The following HHAT variants were observed in gnomAD, a reference collection of about 807,000 sequenced individuals.
HHAT encodes hedgehog acyltransferase, also known as protein-cysteine N-palmitoyltransferase HHAT.
A neutral mutation model predicts 70.8 loss-of-function variants in HHAT; 47 were observed. The ratio of observed to expected loss-of-function variants is 0.66; its 90% CI spans 0.53 to 0.85. The LOEUF is 0.85. Ranked by LOEUF, HHAT falls within the 40% of genes least tolerant of loss-of-function variation. HHAT has a pLI of 0.00. For missense variants in HHAT, 609 were observed against 604.8 expected (o/e 1.01, Z -0.07); for synonymous variants, 228 against 247.6 (o/e 0.92, Z 0.74).
chr1:210,644,140 G>A (rs953008231), intron 11 of HHAT, among the ~76,000 whole-genome samples: 1 of 152,198 alleles, frequency 6.6e-6, no homozygotes, highest in African/African-American at 2.4e-5. Flanking sequence ...AAAAGACACT[G>A]AGGTCTAGAG....
At chr1:210,672,708 T>C (rs1680336968) in intron 11 of HHAT, among the ~76,000 whole-genome samples, 2 of 152,122 alleles carry the variant, frequency 1.3e-5, no homozygotes, top group Non-Finnish European at 2.9e-5. Context: ...GACATGAAGA[T>C]TGTTAAGTAA....
chr1:210,523,387 C>A (rs961715438), intron 9 of HHAT, among the ~76,000 whole-genome samples: 1 of 152,198 alleles, frequency 6.6e-6, no homozygotes, highest in African/African-American at 2.4e-5. Flanking sequence ...ATGCTGCCTT[C>A]TCTGTGCAGC....
intron 11 of HHAT, among the ~76,000 whole-genome samples, chr1:210,672,862 CTG>C (rs1680368065): frequency 6.6e-6 from 1 of 152,214 alleles, no homozygotes; most frequent in Non-Finnish European, 1.5e-5. Context: ...GCTCCCCCTT[CTG>C]TGTGCTTACA....
rs116710835 is a variant in HHAT at position 210,370,610 on chromosome 1, A to T, written c.159+7691A>T. Among the ~76,000 whole-genome samples the T allele has an allele frequency of 7.7e-3, 756 of 98,330 alleles. 14 individuals carry two copies. Among genetic ancestry groups the T allele is most frequent in the African/African-American group, 0.029 (702 of 24,248 alleles). The allele number at this position is 98,330 out of a possible 152,430, so 64.5% of individuals were successfully genotyped here. A position where few individuals can be genotyped will look rare whatever the true frequency, so the allele number is the denominator to read the frequency against. ...TTTATCCATTCACATTGCAGATGCT[A>T]TTTTTTTTTTTTTTTTTTTTTGGAG... On this transcript the variant is annotated intron_variant, in intron 3 of 11. Transcript: ENST00000261458.
intron 8 of HHAT, among the ~76,000 whole-genome samples, chr1:210,480,006 C>A (rs2094368205): frequency 6.6e-6 from 1 of 152,094 alleles, no homozygotes; most frequent in Admixed American, 6.5e-5. Flanking sequence ...ATGATGCCTA[C>A]CTGCTGGGGT....
At chr1:210,522,892 T>C (rs1282991417) in intron 9 of HHAT, among the ~76,000 whole-genome samples, 3 of 152,150 alleles carry the variant, frequency 2.0e-5, no homozygotes, top group Non-Finnish European at 4.4e-5. Context: ...TACTTATCTG[T>C]AAATTGGAAA....
chr1:210,345,096 A>G (rs886762298), intron 1 of HHAT, among the ~76,000 whole-genome samples: 3 of 152,120 alleles, frequency 2.0e-5, no homozygotes, highest in Admixed American at 2.0e-4. Flanking sequence ...CCATACCTCT[A>G]TCTTGCTAAT....
intron 3 of HHAT, among the ~76,000 whole-genome samples, chr1:210,380,717 A>G (rs1157054407): frequency 2.6e-5 from 4 of 152,058 alleles, no homozygotes; most frequent in African/African-American, 4.8e-5. Flanking sequence ...GACCTGAAAG[A>G]TATGTCCTCA....
chr1:210,650,827 G>A (rs1674986004), intron 11 of HHAT, among the ~76,000 whole-genome samples: 2 of 152,136 alleles, frequency 1.3e-5, no homozygotes, highest in South Asian at 4.1e-4. Context: ...CCTGAGGCAG[G>A]CCTATAATTT....
At chr1:210,673,562 C>T (rs1235158221) in intron 11 of HHAT, among the ~76,000 whole-genome samples, 1 of 149,368 alleles carries the variant, frequency 6.7e-6, no homozygotes, top group Non-Finnish European at 1.5e-5. Flanking sequence ...TTACTAACTG[C>T]TTTAGTCCTC....
At chr1:210,522,643 C>T (rs889139157) in intron 9 of HHAT, among the ~76,000 whole-genome samples, 2 of 152,102 alleles carry the variant, frequency 1.3e-5, no homozygotes, top group Admixed American at 1.3e-4. Flanking sequence ...TAAGACGCAC[C>T]GTTGTCTGTG....
At chr1:210,453,902 G>T (rs1408523955) in intron 7 of HHAT, among the ~76,000 whole-genome samples, 1 of 152,120 alleles carries the variant, frequency 6.6e-6, no homozygotes, top group African/African-American at 2.4e-5. Flanking sequence ...CCCGAAACTG[G>T]CAATAAAAAG....
chr1:210,403,058 A>G lies in HHAT; in HGVS notation c.469-1406A>G, dbSNP rs138485282. 4.2e-3 allele frequency among the ~76,000 whole-genome samples: 639 copies of G among 152,286 alleles called. 1 individual carries two copies. The highest frequency in any genetic ancestry group is 7.6e-3 in the Non-Finnish European group (515 of 68,024). On this transcript the variant is annotated intron_variant, in intron 5 of 11. Coordinates refer to ENST00000261458, the MANE Select transcript of HHAT (RefSeq NM_018194.6). The stretch of plus-strand genomic sequence containing the variant: ...TTCTGAGAGTCAAACGGGATAATCT[A>G]TGTTAAGTGATTTTGTGAAAATTGT...
At chr1:210,352,525 A>G (rs1467612986) in intron 2 of HHAT, among the ~76,000 whole-genome samples, 1 of 152,170 alleles carries the variant, frequency 6.6e-6, no homozygotes, top group Non-Finnish European at 1.5e-5. Flanking sequence ...GCTGCCTAGA[A>G]TAGACTAGAG....
At chr1:210,429,066 T>C (rs772185609) in intron 7 of HHAT, among the ~76,000 whole-genome samples, 1 of 151,800 alleles carries the variant, frequency 6.6e-6, no homozygotes, top group Non-Finnish European at 1.5e-5. Context: ...ACAATACCTA[T>C]CATATCACCT....
intron 10 of HHAT, among the ~76,000 whole-genome samples, chr1:210,623,007 T>G (rs549292437): frequency 8.5e-5 from 13 of 152,298 alleles, no homozygotes; most frequent in African/African-American, 2.4e-4. Flanking sequence ...TTGTTCCACC[T>G]CAAAGAAACA....
At chr1:210,477,865 G>A (rs938771640) in intron 8 of HHAT, among the ~76,000 whole-genome samples, 8 of 152,162 alleles carry the variant, frequency 5.3e-5, no homozygotes, top group South Asian at 4.1e-4. Flanking sequence ...CAGAGGCTTG[G>A]TAATGGGGGC....
chr1:210,374,232 G>A (rs181083993), intron 3 of HHAT: 44 of 151,474 alleles, frequency 2.9e-4, no homozygotes, highest in African/African-American at 5.1e-4. Flanking sequence ...TTAGTAAAAG[G>A]CGAAAGATTT....
intron 10 of HHAT, among the ~76,000 whole-genome samples, chr1:210,614,874 G>A (rs774206206): frequency 1.9e-4 from 29 of 152,266 alleles, no homozygotes; most frequent in African/African-American, 3.4e-4. Flanking sequence ...ATAAACATAC[G>A]TGTGCATGTG....
Sources: allele counts gnomAD v4.1 joint callset (sites outside exome capture counted in the v4.1 genomes callset), GRCh38; gene constraint gnomAD v4.1.1; transcripts MANE v1.5; gene names NCBI Gene and HGNC (gene_info 2026-07-23, HGNC 2026-07-21).